Variants in PICALM observed in about 807,000 individuals in gnomAD.
The protein encoded by PICALM is phosphatidylinositol-binding clathrin assembly protein.
In PICALM, 40 loss-of-function variants were observed where a neutral mutation model predicts 80.5. The ratio of observed to expected loss-of-function variants is 0.50; its 90% CI spans 0.39 to 0.65. PICALM has a LOEUF of 0.65. Among genes scored for constraint, PICALM ranks in the 30% least tolerant of loss-of-function variants. The pLI is 0.00. For missense variants in PICALM, 676 were observed against 778.9 expected, an observed-to-expected ratio of 0.87 and a Z score of 1.57; for synonymous variants, 288 against 260.3, an observed-to-expected ratio of 1.11 and a Z score of -1.02.
At chr11:86,031,699 T>G (rs1021955598) in intron 1 of PICALM, 88 bp from the exon 2 acceptor site, 1 of 924,000 alleles carries the variant, frequency 1.1e-6, no homozygotes, top group Non-Finnish European at 1.6e-6. Context: ...AGGCAAAAGA[T>G]TTAACACAAA....
At chr11:86,036,808 C>G (rs1484958683) in intron 1 of PICALM, among the ~76,000 whole-genome samples, 1 of 152,014 alleles carries the variant, frequency 6.6e-6, no homozygotes, top group Non-Finnish European at 1.5e-5. Flanking sequence ...TTTTTTAAAA[C>G]TGTATGTGTG....
At chr11:85,976,391 T>A (rs1266003759) in intron 18 of PICALM, among the ~76,000 whole-genome samples, 2 of 152,118 alleles carry the variant, frequency 1.3e-5, no homozygotes, top group African/African-American at 4.8e-5. Flanking sequence ...CCCAGCAAAG[T>A]TACGAGGAGA....
chr11:86,053,349 A>G (rs1453799836), intron 1 of PICALM, among the ~76,000 whole-genome samples: 2 of 152,200 alleles, frequency 1.3e-5, no homozygotes, highest in Non-Finnish European at 2.9e-5. Context: ...TGGACCTGTA[A>G]CCAATCAGAC....
At position 86,013,213 on chromosome 11, in the gene PICALM, G is replaced by A. The variant is rs148728993; in HGVS notation, c.547-821C>T. Reference sequence around the variant, plus strand: ...CCCTGTAGTCCCAGCTACTCAGGAGGCTGAGGTGGGAGGATTGCTTGAGCC... The same window carrying A: ...CCCTGTAGTCCCAGCTACTCAGGAGACTGAGGTGGGAGGATTGCTTGAGCC... On this transcript the variant is annotated intron_variant, in intron 5 of 19. Transcript: ENST00000393346. Among the ~76,000 whole-genome samples, 470 of 152,188 alleles carry A rather than the reference G, an allele frequency of 3.1e-3. 4 individuals are homozygous for A. The highest frequency in any genetic ancestry group is 0.01 in the South Asian group (49 of 4,808).
intron 3 of PICALM, among the ~76,000 whole-genome samples, chr11:86,026,074 A>G (rs1377464287): frequency 6.6e-6 from 1 of 152,126 alleles, no homozygotes; most frequent in Non-Finnish European, 1.5e-5. Flanking sequence ...CATGCTCTCA[A>G]ATAACTACTC....
chr11:86,038,896 G>C (rs1256679147), intron 1 of PICALM, among the ~76,000 whole-genome samples: 2 of 152,004 alleles, frequency 1.3e-5, no homozygotes, highest in African/African-American at 2.4e-5. Context: ...GATCACTCAA[G>C]GTCAGGAGTT....
At chr11:86,033,854 T>A (rs979374943) in intron 1 of PICALM, among the ~76,000 whole-genome samples, 6 of 152,210 alleles carry the variant, frequency 3.9e-5, no homozygotes, top group African/African-American at 1.4e-4. Flanking sequence ...CATGACATTT[T>A]TTCAAAAGCA....
chr11:85,987,544 A>T (rs1473173591), intron 13 of PICALM, among the ~76,000 whole-genome samples: 2 of 152,256 alleles, frequency 1.3e-5, no homozygotes, highest in Non-Finnish European at 2.9e-5. Flanking sequence ...TAAAGAAAAA[A>T]TCAATGTTTA....
In PICALM at chr11:85,974,781, G is replaced by A. The variant is rs779406084; in HGVS notation, c.1871C>T (p.Thr624Met). 25 of 1,613,462 alleles carry A rather than the reference G, an allele frequency of 1.5e-5. No individual in the cohort carries two copies. Among genetic ancestry groups the A allele is most frequent in the South Asian group, 6.6e-5 (6 of 91,078 alleles). ...PPQMGSVPVM[T>M]QPTLIYSQPV... ...CTGGCTGTATATTAAGGTTGGTTGC[G>A]TCATTACAGGAACACTTCCCATTTG... The change falls in exon 19 of 20, where the codon ACG becomes ATG. Residue 624 changes from threonine (T) to methionine (M), a missense_variant. By Grantham distance (81) the Thr-to-Met change is moderately conservative (BLOSUM62 -1). Transcript: ENST00000393346.
At chr11:86,050,628 T>C (rs1414267033) in intron 1 of PICALM, among the ~76,000 whole-genome samples, 1 of 152,140 alleles carries the variant, frequency 6.6e-6, no homozygotes, top group Non-Finnish European at 1.5e-5. Context: ...AATGAAGAGA[T>C]AAAAATAAGG....
At chr11:86,056,135 TAA>T (rs763444775) in intron 1 of PICALM, among the ~76,000 whole-genome samples, 4 of 117,346 alleles carry the variant, frequency 3.4e-5, no homozygotes, top group Admixed American at 9.7e-5. Flanking sequence ...ACTCTGTCTT[TAA>T]AAAAAAAAAA....
At chr11:86,021,448 T>G (rs1386604528) in intron 4 of PICALM, among the ~76,000 whole-genome samples, 2 of 128,186 alleles carry the variant, frequency 1.6e-5, no homozygotes, top group Non-Finnish European at 3.3e-5. Context: ...AAATGCAAAC[T>G]AAAAATCACA....
intron 1 of PICALM, among the ~76,000 whole-genome samples, chr11:86,034,709 G>A (rs1457322976): frequency 1.3e-5 from 2 of 151,942 alleles, no homozygotes; most frequent in Non-Finnish European, 2.9e-5. Context: ...CTTTAGGTAT[G>A]AGTGAGAATT....
At chr11:86,044,971 T>TGTAA (rs1565536103) in intron 1 of PICALM, among the ~76,000 whole-genome samples, 1 of 152,220 alleles carries the variant, frequency 6.6e-6, no homozygotes, top group African/African-American at 2.4e-5. Flanking sequence ...GGACCGTTGC[T>TGTAA]GTAAGCCACT....
chr11:86,067,739 T>C (rs951010810), intron 1 of PICALM, among the ~76,000 whole-genome samples: 2 of 152,112 alleles, frequency 1.3e-5, no homozygotes, highest in Admixed American at 6.5e-5. Context: ...CTCAAGCTTC[T>C]GAATTCAAGC....
chr11:86,008,549 G>C (rs1465966726), intron 7 of PICALM, among the ~76,000 whole-genome samples: 1 of 152,012 alleles, frequency 6.6e-6, no homozygotes, highest in Non-Finnish European at 1.5e-5. Context: ...GAACCCGGGA[G>C]GTAGAGGGTG....
chr11:86,022,478 A>G lies in PICALM; in HGVS notation c.350-9T>C. 1 of 1,282,016 alleles carries G rather than the reference A, an allele frequency of 7.8e-7. No homozygotes were observed. Among genetic ancestry groups the G allele is most frequent in the South Asian group, 1.4e-5 (1 of 69,356 alleles). 79.4% of individuals were successfully genotyped at this position (1,282,016 alleles called of 1,614,324 possible). On this transcript the variant is annotated splice_polypyrimidine_tract_variant and intron_variant, in intron 3 of 19. Coordinates refer to ENST00000393346, the MANE Select transcript of PICALM (RefSeq NM_007166.4). ...TGTAGACATGTCATATCCTGTAAAAAAACAAAAACAAAAACAAAACAAAGA... is the reference window on the plus strand; with the variant it reads ...TGTAGACATGTCATATCCTGTAAAAGAACAAAAACAAAAACAAAACAAAGA...
intron 1 of PICALM, among the ~76,000 whole-genome samples, chr11:86,037,533 C>T (rs1441841052): frequency 6.6e-6 from 1 of 151,216 alleles, no homozygotes; most frequent in Non-Finnish European, 1.5e-5. Context: ...GCTGGGATTA[C>T]AGGCGTGAGC....
intron 3 of PICALM, among the ~76,000 whole-genome samples, chr11:86,024,087 C>T (rs1248617475): frequency 6.6e-6 from 1 of 152,072 alleles, no homozygotes; most frequent in African/African-American, 2.4e-5. Context: ...TACGATCATA[C>T]CACTGCACCC....
Sources: gnomAD v4.1 joint callset for allele counts (sites outside exome capture counted in the v4.1 genomes callset) on GRCh38, gnomAD v4.1.1 for gene constraint, MANE v1.5 for transcripts, NCBI Gene and HGNC (gene_info 2026-07-23, HGNC 2026-07-21) for gene names.